The following NSUN2 variants were observed in gnomAD, a reference collection of about 807,000 sequenced individuals.
NSUN2 encodes the protein RNA cytosine C(5)-methyltransferase NSUN2.
Under a neutral mutation model 92.7 loss-of-function variants are expected in NSUN2, and 63 were observed. The ratio of observed to expected loss-of-function variants is 0.68; its 90% CI spans 0.56 to 0.84. NSUN2 has a LOEUF of 0.84. Among genes scored for constraint, NSUN2 ranks in the 40% least tolerant of loss-of-function variants. NSUN2 has a pLI of 0.00. For synonymous variants in NSUN2, 356 were observed against 348.3 expected, an observed-to-expected ratio of 1.02 and a Z score of -0.25; for missense variants, 989 against 964.9, an observed-to-expected ratio of 1.02 and a Z score of -0.33.
intron 4 of NSUN2, 121 bp from the exon 5 acceptor site, chr5:6,623,406 G>A (rs1287952014): frequency 5.2e-6 from 4 of 763,876 alleles, no homozygotes; most frequent in Admixed American, 3.0e-5. Context: ...TACAGAATGA[G>A]AGAACTCATA....
At chr5:6,623,306 C>G in intron 4 of NSUN2, 21 bp from the exon 5 acceptor site, 1 of 1,499,848 alleles carries the variant, frequency 6.7e-7, no homozygotes, top group South Asian at 1.2e-5. Context: ...AAAAAAAAAT[C>G]AGCAACAATT....
chr5:6,632,033 T>C (rs539884278), intron 2 of NSUN2, 56 bp from the exon 3 acceptor site: 3 of 1,346,764 alleles, frequency 2.2e-6, no homozygotes, highest in Non-Finnish European at 3.1e-6. Flanking sequence ...TAATACATTG[T>C]ATCTTCTTAA....
intron 3 of NSUN2, among the ~76,000 whole-genome samples, chr5:6,631,571 T>A (rs918960848): frequency 6.6e-6 from 1 of 152,196 alleles, no homozygotes; most frequent in African/African-American, 2.4e-5. Flanking sequence ...TGCAACAGTT[T>A]TGATGTGAGA....
chr5:6,623,319 G>GGA (rs554735001), intron 4 of NSUN2, 34 bp from the exon 5 acceptor site: 47 of 1,247,008 alleles, frequency 3.8e-5, no homozygotes, highest in East Asian at 7.9e-5. Context: ...CAACAATTAG[G>GGA]AAAAAAAAAA....
chr5:6,599,776 G>C lies in NSUN2; in HGVS notation c.*150C>G, dbSNP rs1736465001. On this transcript the variant is annotated 3_prime_UTR_variant, in exon 19 of 19. Transcript: ENST00000264670. ...CAAAGAAAGCAGTCCTGGTCATTCAGAAGGCTCCTATGATCCCACCAGTCT... is the reference window on the plus strand; with the variant it reads ...CAAAGAAAGCAGTCCTGGTCATTCACAAGGCTCCTATGATCCCACCAGTCT... 4 of 689,892 alleles carry C rather than the reference G, an allele frequency of 5.8e-6. No homozygotes were observed. Among genetic ancestry groups the C allele is most frequent in the Non-Finnish European group, 1.0e-5 (4 of 396,074 alleles). The allele number at this position is 689,892 out of a possible 1,614,324, so 42.7% of individuals were successfully genotyped here.
In NSUN2 at chr5:6,611,002, G is replaced by C; in HGVS notation, c.1179C>G (p.Phe393Leu). The C allele has an allele frequency of 2.5e-6, 4 of 1,614,176 alleles. No individual in the cohort carries two copies. Among genetic ancestry groups the C allele is most frequent in the Non-Finnish European group, 3.4e-6 (4 of 1,180,040 alleles). Reference sequence around the variant, plus strand: ...GCAGCTTTTCTGGGTCCTTCGGAGGGAACATGGTAGGTCGGATCTGGGTGT... The same window carrying C: ...GCAGCTTTTCTGGGTCCTTCGGAGGCAACATGGTAGGTCGGATCTGGGTGT... ...SRHTQIRPTM[F>L]PPKDPEKLQA... The change falls in exon 11 of 19, where the codon TTC becomes TTG. Residue 393 changes from phenylalanine to leucine, a missense_variant. Coordinates refer to ENST00000264670, the MANE Select transcript of NSUN2 (RefSeq NM_017755.6).
At chr5:6,604,408 G>C (rs1736676223) in intron 16 of NSUN2, 132 bp from the exon 17 acceptor site, 1 of 949,952 alleles carries the variant, frequency 1.1e-6, no homozygotes, top group African/African-American at 2.0e-5. Flanking sequence ...CCCTTGGACA[G>C]GTGTGGAACC....
At chr5:6,609,802 C>A (rs1736914523) in intron 12 of NSUN2, 24 bp downstream of exon 12, 1 of 1,573,148 alleles carries the variant, frequency 6.4e-7, no homozygotes, top group South Asian at 1.1e-5. Context: ...AATGTTATGT[C>A]ATTTTGGAAA....
intron 7 of NSUN2, among the ~76,000 whole-genome samples, chr5:6,618,983 T>C (rs1321012928): frequency 5.3e-5 from 8 of 152,228 alleles, no homozygotes; most frequent in Non-Finnish European, 1.0e-4. Context: ...TGTACACTAG[T>C]TGTTTGCATG....
chr5:6,616,090 G>A (rs1737199401), intron 9 of NSUN2, among the ~76,000 whole-genome samples: 1 of 152,162 alleles, frequency 6.6e-6, no homozygotes, highest in South Asian at 2.1e-4. Flanking sequence ...GCATGGTGGG[G>A]TCCCCCCAAA....
intron 4 of NSUN2, among the ~76,000 whole-genome samples, chr5:6,624,423 C>A (rs909248877): frequency 6.6e-6 from 1 of 152,148 alleles, no homozygotes; most frequent in African/African-American, 2.4e-5. Flanking sequence ...TTCCCTACAA[C>A]ATTTGCTACC....
In NSUN2 at chr5:6,610,929, C is replaced by T. The variant is rs780445121; in HGVS notation, c.1226+26G>A. 4 of 1,613,254 alleles carry T rather than the reference C, an allele frequency of 2.5e-6. No individual in the cohort carries two copies. In the South Asian group the frequency reaches 4.4e-5, roughly 18 times the overall value. On this transcript the variant is annotated intron_variant, in intron 11 of 18. Coordinates refer to ENST00000264670, the MANE Select transcript of NSUN2 (RefSeq NM_017755.6). ...ATGGGGCTTAACCTTCCCCCCTCCC[C>T]ACACCTGGAGGCCCCACCAGCTCAC...
intron 14 of NSUN2, among the ~76,000 whole-genome samples, chr5:6,605,917 A>G (rs1315579111): frequency 6.6e-6 from 1 of 151,254 alleles, no homozygotes; most frequent in African/African-American, 2.4e-5. Flanking sequence ...CTGGTCTCAA[A>G]CTCCTAACCT....
At chr5:6,625,498 G>C in intron 4 of NSUN2, 66 bp downstream of exon 4, 1 of 1,213,588 alleles carries the variant, frequency 8.2e-7, no homozygotes, top group Admixed American at 1.8e-5. Context: ...CCTAAAAACA[G>C]AACTACACTA....
At chr5:6,607,474 A>G (rs1736824736) in intron 12 of NSUN2, 90 bp from the exon 13 acceptor site, 1 of 1,119,290 alleles carries the variant, frequency 8.9e-7, no homozygotes. Flanking sequence ...CACAAAATCC[A>G]TCAGTTATAT....
Position 6,622,025 on chromosome 5 carries a change from G to A in NSUN2, c.613C>T (p.Pro205Ser). The change falls in exon 6 of 19, where the codon CCC becomes TCC. Residue 205 changes from proline (P) to serine (S), a missense_variant. Around this residue, in one of 3 missense-constraint regions of NSUN2, gnomAD observed 356 missense variants for 338.6 expected, o/e 1.05. Transcript: ENST00000264670. ...IEMLHADMNV[P>S]FPEGFVIAND... ...CAAGTCCAATGCATACCTGGAAAGGGGACATTCATGTCGGCATGTAGCATT... is the reference window on the plus strand; with the variant it reads ...CAAGTCCAATGCATACCTGGAAAGGAGACATTCATGTCGGCATGTAGCATT... 1 of 1,613,552 alleles carries A rather than the reference G, an allele frequency of 6.2e-7. No individual in the cohort carries two copies.
rs1449082132 is a variant in NSUN2, at chr5:6,617,798, A to C, written c.890+152T>G. ...AGTTATTGCTCTTGAAAGGTTTTCA[A>C]ATAACTTCTGATAAAACAGTTGAAG... On this transcript the variant is annotated intron_variant, in intron 8 of 18. Transcript: ENST00000264670. 8 of 521,886 alleles carry C rather than the reference A, an allele frequency of 1.5e-5. No homozygotes were observed. In the South Asian group the frequency reaches 2.8e-4, roughly 19 times the overall value. The allele number at this position is 521,886 out of a possible 1,614,324, so 32.3% of individuals were successfully genotyped here. A position where few individuals can be genotyped will look rare whatever the true frequency, so the allele number is the denominator to read the frequency against.
At chr5:6,607,157 A>G in intron 13 of NSUN2, 43 bp downstream of exon 13, 1 of 1,592,436 alleles carries the variant, frequency 6.3e-7, no homozygotes, top group South Asian at 1.1e-5. Flanking sequence ...AAGGACTGTG[A>G]AGACACCAGC....
intron 2 of NSUN2, 42 bp downstream of exon 2, chr5:6,632,557 T>C (rs1393893363): frequency 1.2e-6 from 2 of 1,607,802 alleles, no homozygotes; most frequent in African/African-American, 1.3e-5. Flanking sequence ...ACCTCCAGCA[T>C]CCTGGCCCCA....
Sources: allele counts gnomAD v4.1 joint callset (sites outside exome capture counted in the v4.1 genomes callset), GRCh38; gene constraint gnomAD v4.1.1; regional missense constraint gnomAD v4.1.1; transcripts MANE v1.5; gene names NCBI Gene and HGNC (gene_info 2026-07-23, HGNC 2026-07-21).